The following PLA2R1 variants were observed in gnomAD, a reference collection of about 807,000 sequenced individuals.
The protein encoded by PLA2R1 is phospholipase A2 receptor 1.
PLA2R1 carries 158 observed loss-of-function variants against 195.9 expected under a neutral mutation model. The ratio of observed to expected loss-of-function variants is 0.81; its 90% CI spans 0.71 to 0.92. PLA2R1 has a LOEUF of 0.92. PLA2R1 is among the 40% of genes least tolerant of loss of function. PLA2R1 has a pLI of 0.00. For synonymous variants in PLA2R1, 586 were observed against 598.2 expected, an observed-to-expected ratio of 0.98 and a Z score of 0.30; for missense variants, 1,626 against 1,764.6, an observed-to-expected ratio of 0.92 and a Z score of 1.41.
intron 11 of PLA2R1, among the ~76,000 whole-genome samples, chr2:159,996,030 T>C (rs1453081945): frequency 2.0e-5 from 3 of 152,146 alleles, no homozygotes; most frequent in African/African-American, 7.2e-5. Flanking sequence ...TGTCTGAATA[T>C]ATTGCTGCTA....
At chr2:159,949,815 C>A (rs377322187) in intron 24 of PLA2R1, 39 bp from the exon 25 acceptor site, 1 of 1,552,182 alleles carries the variant, frequency 6.4e-7, no homozygotes, top group African/African-American at 1.4e-5. Context: ...CTTGCCACGA[C>A]GGCTGGCAGC....
intron 23 of PLA2R1, among the ~76,000 whole-genome samples, chr2:159,953,134 G>A (rs1687861470): frequency 6.6e-6 from 1 of 152,116 alleles, no homozygotes; most frequent in South Asian, 2.1e-4. Flanking sequence ...TGAGTTATAT[G>A]TCTGTATTTT....
In PLA2R1 at chr2:160,022,837, A is replaced by C. The variant is rs1361179989; in HGVS notation, c.1122T>G (p.Tyr374Ter). ...TCCAGCCAGGCTCACAGTGGGTAGC[A>C]TAATATTTCCACGCATCTTTTTCTT... ...EIVEKDAWKY[Y>*]ATHCEPGWNP... The change falls in exon 7 of 30, where the codon TAT (tyrosine) becomes TAG (stop). Residue 374 changes from tyrosine (Y) to a stop codon, truncating the protein, a stop_gained. Coordinates refer to ENST00000283243, the MANE Select transcript of PLA2R1 (RefSeq NM_007366.5). LOFTEE classifies it high-confidence loss of function. The C allele has an allele frequency of 6.3e-7, 1 of 1,598,854 alleles. No individual in the cohort carries two copies. Among genetic ancestry groups the C allele is most frequent in the Non-Finnish European group, 8.5e-7 (1 of 1,174,458 alleles).
Position 160,062,295 on chromosome 2 carries a change from C to T in PLA2R1, c.109G>A (p.Asp37Asn). The T allele has an allele frequency of 6.7e-7, 1 of 1,492,082 alleles. No homozygotes were observed. The allele number at this position is 1,492,082 out of a possible 1,614,324, so 92.4% of individuals were successfully genotyped here. ...LTPERLLEWQ[D>N]KGIFVIQSES... ...CAGTCCCCGACCCTGGGAGACTCAC[C>T]CTGCCACTCCAGGAGCCGCTCGGGG... Residue 37 changes from aspartate to asparagine, a missense_variant and splice_region_variant, in exon 1 of 30, where the codon GAT becomes AAT. By Grantham distance (23) the Asp-to-Asn change is conservative. Transcript: ENST00000283243.
chr2:160,013,751 GTCTC>G lies in PLA2R1; in HGVS notation c.1552-380_1552-377del, dbSNP rs67826871. 4.4e-4 allele frequency among the ~76,000 whole-genome samples: 57 copies of G among 129,856 alleles called. 1 individual carries two copies. The highest frequency in any genetic ancestry group is 6.8e-4 in the Non-Finnish European group (41 of 60,702). The allele number at this position is 129,856 out of a possible 152,430, so 85.2% of individuals were successfully genotyped here. ...TGTGTGTGTGTGTGTGTGTGTGTGT[GTCTC>G]TCTCTCTCTGACTTACAGAATTTCA... On this transcript the variant is annotated intron_variant, in intron 9 of 29. Transcript: ENST00000283243.
chr2:159,926,322 A>G, the PLA2R1 span, among the ~76,000 whole-genome samples: 1 of 152,194 alleles, frequency 6.6e-6, no homozygotes, highest in Non-Finnish European at 1.5e-5. Flanking sequence ...ACTGCTTTTT[A>G]TAGTGTAATT....
chr2:159,977,274 C>T lies in PLA2R1; in HGVS notation c.2401+10G>A, dbSNP rs755906853. The T allele has an allele frequency of 2.5e-6, 4 of 1,602,218 alleles. No homozygotes were observed. Among genetic ancestry groups the T allele is most frequent in the South Asian group, 1.1e-5 (1 of 90,326 alleles). On this transcript the variant is annotated intron_variant, in intron 15 of 29. Coordinates refer to ENST00000283243, the MANE Select transcript of PLA2R1 (RefSeq NM_007366.5). ...CAAACATATAGCAAAGATCTTACTA[C>T]TATTTTTACCTCTTGGGATTTTGCA...
At chr2:160,040,305 C>T (rs1694446906) in intron 3 of PLA2R1, among the ~76,000 whole-genome samples, 1 of 151,660 alleles carries the variant, frequency 6.6e-6, no homozygotes, top group Admixed American at 6.6e-5. Context: ...ACCCCACCCC[C>T]ACATTGTAGC....
At position 159,976,121 on chromosome 2, in the gene PLA2R1, G is replaced by A. The variant is rs1689535756; in HGVS notation, c.2542C>T (p.Leu848Phe). The A allele has an allele frequency of 2.5e-6, 4 of 1,613,058 alleles. No homozygotes were observed. Among genetic ancestry groups the A allele is most frequent in the Non-Finnish European group, 3.4e-6 (4 of 1,179,214 alleles). ...FVCSWLHSDL[L>F]TIHSAHEQEF... Reference sequence around the variant, plus strand: ...TGCTCATGTGCAGAATGAATTGTGAGAAGATCACTGTGCAGCCAGCTACAG... The same window carrying A: ...TGCTCATGTGCAGAATGAATTGTGAAAAGATCACTGTGCAGCCAGCTACAG... Residue 848 changes from leucine (L) to phenylalanine (F), a missense_variant, in exon 17 of 30, where the codon CTC (leucine) becomes TTC (phenylalanine). Physicochemically the swap from Leu to Phe is conservative, Grantham distance 22. Coordinates refer to ENST00000283243, the MANE Select transcript of PLA2R1 (RefSeq NM_007366.5).
intron 1 of PLA2R1, among the ~76,000 whole-genome samples, chr2:160,059,001 C>T (rs181800183): frequency 1.6e-4 from 25 of 152,270 alleles, no homozygotes; most frequent in Admixed American, 1.2e-3. Flanking sequence ...TGCAACTAGA[C>T]GGTCCCATCT....
chr2:159,970,982 T>G, intron 17 of PLA2R1, among the ~76,000 whole-genome samples: 1 of 151,612 alleles, frequency 6.6e-6, no homozygotes, highest in African/African-American at 2.4e-5. Flanking sequence ...GGGATAGCAT[T>G]AGGGGAAATA....
chr2:159,947,291 T>C, intron 26 of PLA2R1, 128 bp downstream of exon 26: 1 of 750,676 alleles, frequency 1.3e-6, no homozygotes, highest in Non-Finnish European at 2.1e-6. Flanking sequence ...TATTTATTTT[T>C]TCAATAGTTT....
chr2:159,984,194 C>G (rs1690166050), intron 12 of PLA2R1, 121 bp from the exon 13 acceptor site: 1 of 509,758 alleles, frequency 2.0e-6, no homozygotes. Flanking sequence ...AGAGCTTGAT[C>G]TAGTGGGAGG....
Position 160,033,132 on chromosome 2 carries a change from G to A in PLA2R1, c.668C>T (p.Thr223Ile). Residue 223 changes from threonine (T) to isoleucine (I), a missense_variant and splice_region_variant, in exon 4 of 30, where the codon ACC becomes ATC. Transcript: ENST00000283243. ...DEKWGFCPDP[T>I]SAEVGCDTIW... ...AGTATCACAACCTACTTCTGCAGAG[G>A]CTGGAAACAATGGCCATTAAAAACA... is the stretch of plus-strand genomic sequence containing the variant. 2 of 1,603,952 alleles carry A rather than the reference G, an allele frequency of 1.2e-6. No individual in the cohort carries two copies. Among genetic ancestry groups the A allele is most frequent in the Non-Finnish European group, 1.7e-6 (2 of 1,175,890 alleles).
At chr2:160,049,498 C>G (rs1481612760) in intron 1 of PLA2R1, among the ~76,000 whole-genome samples, 1 of 152,204 alleles carries the variant, frequency 6.6e-6, no homozygotes, top group Non-Finnish European at 1.5e-5. Context: ...GTTCTGGAAT[C>G]ATGGGAATTT....
At position 159,984,079 on chromosome 2, in the gene PLA2R1, T is replaced by G. The variant is rs761959502; in HGVS notation, c.2038-6A>C. 1 of 1,386,164 alleles carries G rather than the reference T, an allele frequency of 7.2e-7. No homozygotes were observed. The allele number at this position is 1,386,164 out of a possible 1,614,324, so 85.9% of individuals were successfully genotyped here. A position where few individuals can be genotyped will look rare whatever the true frequency, so the allele number is the denominator to read the frequency against. On this transcript the variant is annotated splice_region_variant and splice_polypyrimidine_tract_variant and intron_variant, in intron 12 of 29. Transcript: ENST00000283243. ...ACTTTTTCACTATGAAATACCTGTA[T>G]AGTAAAAGAAAATAAATTAACATTG...
At chr2:160,062,274 C>A (rs928493692) in intron 1 of PLA2R1, 21 bp downstream of exon 1, 1 of 1,413,724 alleles carries the variant, frequency 7.1e-7, no homozygotes, top group Non-Finnish European at 9.4e-7. Flanking sequence ...CCGATCCAGT[C>A]CCCGACCCTG....
At chr2:160,056,814 C>G (rs1477182513) in intron 1 of PLA2R1, among the ~76,000 whole-genome samples, 2 of 152,190 alleles carry the variant, frequency 1.3e-5, no homozygotes, top group African/African-American at 2.4e-5. Flanking sequence ...CCCCTTTGTG[C>G]AAACCCACAG....
chr2:159,930,088 G>T (rs1686550701), downstream of PLA2R1, among the ~76,000 whole-genome samples: 1 of 152,126 alleles, frequency 6.6e-6, no homozygotes, highest in African/African-American at 2.4e-5. Context: ...CAGGGGGAAG[G>T]GTGGGAGAGA....
Sources: allele counts gnomAD v4.1 joint callset (sites outside exome capture counted in the v4.1 genomes callset), GRCh38; gene constraint gnomAD v4.1.1; transcripts MANE v1.5; gene names NCBI Gene and HGNC (gene_info 2026-07-23, HGNC 2026-07-21).